Variants in RFX4 observed in about 807,000 individuals in gnomAD.
RFX4 encodes the protein regulatory factor X4.
A neutral mutation model predicts 95.0 loss-of-function variants in RFX4; 10 were observed. That is an observed-to-expected ratio of 0.11 (90% CI 0.06 to 0.18). The LOEUF (loss-of-function observed/expected upper bound fraction) is 0.18, where lower values mean the gene tolerates loss of function less well. Ranked by LOEUF, RFX4 falls within the 10% of genes least tolerant of loss-of-function variation. RFX4 has a pLI of 1.00. For missense variants in RFX4, 640 were observed against 922.0 expected (o/e 0.69, Z 3.96); for synonymous variants, 321 against 340.7 (o/e 0.94, Z 0.64).
At chr12:106,665,219 A>G (rs1194204551) in intron 4 of RFX4, among the ~76,000 whole-genome samples, 2 of 151,872 alleles carry the variant, frequency 1.3e-5, no homozygotes, top group African/African-American at 4.8e-5. Context: ...GGAGATTGAT[A>G]CCTTTATAAT....
At chr12:106,673,998 C>T (rs2041342459) in intron 4 of RFX4, among the ~76,000 whole-genome samples, 1 of 152,198 alleles carries the variant, frequency 6.6e-6, no homozygotes, top group Admixed American at 6.5e-5. Flanking sequence ...CCTTAAAGCC[C>T]TCTGAAGTCT....
chr12:106,714,601 T>G (rs1270059675), intron 10 of RFX4, among the ~76,000 whole-genome samples: 1 of 152,198 alleles, frequency 6.6e-6, no homozygotes, highest in East Asian at 1.9e-4. Flanking sequence ...AAGGAAATGA[T>G]CCTAGATACA....
rs904749441 is a variant in RFX4 at position 106,583,246 on chromosome 12, C to G, written c.-75C>G. 67 of 1,392,070 alleles carry G rather than the reference C, an allele frequency of 4.8e-5. No homozygotes were observed. The East Asian group carries it at 1.8e-3, about 37-fold the overall frequency. 86.2% of individuals were successfully genotyped at this position (1,392,070 alleles called of 1,614,324 possible). ...TCTCCCTCCCTCCCTCCCTTCCTCC[C>G]TGGGCATCTCTAGCACAGGGGATCC... On this transcript the variant is annotated 5_prime_UTR_variant, in exon 1 of 18. Transcript: ENST00000392842.
chr12:106,646,157 C>T (rs2040739147), intron 3 of RFX4, among the ~76,000 whole-genome samples: 1 of 152,086 alleles, frequency 6.6e-6, no homozygotes, highest in African/African-American at 2.4e-5. Context: ...GAAACACTCC[C>T]ACACAGGTGT....
intron 3 of RFX4, among the ~76,000 whole-genome samples, chr12:106,643,548 TTCTC>T (rs1447939170): frequency 6.6e-6 from 1 of 152,204 alleles, no homozygotes; most frequent in Non-Finnish European, 1.5e-5. Context: ...TATAAAAACT[TTCTC>T]TCTCAAAAGA....
At chr12:106,632,903 T>C (rs1345699038) in intron 2 of RFX4, among the ~76,000 whole-genome samples, 2 of 152,224 alleles carry the variant, frequency 1.3e-5, no homozygotes, top group African/African-American at 4.8e-5. Flanking sequence ...GTATCTGGCT[T>C]GGACTTACAT....
chr12:106,605,844 G>T (rs921699489), intron 1 of RFX4, among the ~76,000 whole-genome samples: 1 of 152,198 alleles, frequency 6.6e-6, no homozygotes, highest in Non-Finnish European at 1.5e-5. Flanking sequence ...TTGGCTACAG[G>T]CATAGACTGT....
At chr12:106,703,010 T>A (rs977644931) in intron 8 of RFX4, among the ~76,000 whole-genome samples, 3 of 152,220 alleles carry the variant, frequency 2.0e-5, no homozygotes. Flanking sequence ...TTTGCATCTG[T>A]CATTCCAAGA....
At chr12:106,598,808 G>A (rs995917235) in intron 1 of RFX4, among the ~76,000 whole-genome samples, 6 of 152,144 alleles carry the variant, frequency 3.9e-5, no homozygotes, top group African/African-American at 1.2e-4. Context: ...CGTGCAGAGC[G>A]AGTAGCCTTG....
rs558220902 is a variant in RFX4 at position 106,730,924 on chromosome 12, C to T, written c.1352-1206C>T. Reference sequence around the variant, plus strand: ...CTGAGGCAGGAAAATTGCTTGAACTCGGGAGGCAGAGGCTGCAGTGAGTCA... The same window carrying T: ...CTGAGGCAGGAAAATTGCTTGAACTTGGGAGGCAGAGGCTGCAGTGAGTCA... On this transcript the variant is annotated intron_variant, in intron 13 of 17. Transcript: ENST00000392842. 1.6e-4 allele frequency among the ~76,000 whole-genome samples: 24 copies of T among 152,126 alleles called. No individual in the cohort carries two copies. In the South Asian group the frequency reaches 3.9e-3, roughly 25 times the overall value.
intron 15 of RFX4, among the ~76,000 whole-genome samples, chr12:106,746,370 A>AT (rs2042895755): frequency 6.6e-6 from 1 of 151,640 alleles, no homozygotes; most frequent in African/African-American, 2.4e-5. Context: ...AAAAAAAAAA[A>AT]AAAAATTAAA....
chr12:106,630,476 C>A (rs568912428), intron 2 of RFX4, among the ~76,000 whole-genome samples: 1 of 152,304 alleles, frequency 6.6e-6, no homozygotes, highest in East Asian at 1.9e-4. Flanking sequence ...GAAGGGTTTG[C>A]TGCCAGAGGC....
intron 3 of RFX4, among the ~76,000 whole-genome samples, chr12:106,645,168 C>T (rs2040719846): frequency 6.6e-6 from 1 of 152,200 alleles, no homozygotes; most frequent in Admixed American, 6.5e-5. Context: ...TGTCAAATGC[C>T]TTCTGCCAAA....
chr12:106,703,645 A>T (rs1592959411), intron 8 of RFX4, among the ~76,000 whole-genome samples: 1 of 152,202 alleles, frequency 6.6e-6, no homozygotes, highest in African/African-American at 2.4e-5. Context: ...TAGGTGTTAA[A>T]CACACACATA....
intron 1 of RFX4, among the ~76,000 whole-genome samples, chr12:106,596,722 A>ATAT (rs2039624737): frequency 6.6e-6 from 1 of 152,158 alleles, no homozygotes; most frequent in Non-Finnish European, 1.5e-5. Context: ...AACTTATAAG[A>ATAT]AAGTGTATTT....
rs58283896 is a variant in RFX4, at chr12:106,714,068, C to CAAAAAAAA, written c.994-1316_994-1309dup. On this transcript the variant is annotated intron_variant, in intron 10 of 17. Transcript: ENST00000392842. ...GGGCAACAAGAGTGAAACTCCATCT[C>CAAAAAAAA]AAAAAAAAAAAAAAAAAAAAAAAGC... Among the ~76,000 whole-genome samples, 16 of 30,520 alleles carry CAAAAAAAA rather than the reference C, an allele frequency of 5.2e-4. 2 individuals carry two copies. Among genetic ancestry groups the CAAAAAAAA allele is most frequent in the African/African-American group, 2.3e-3 (15 of 6,488 alleles). 20.0% of individuals were successfully genotyped at this position (30,520 alleles called of 152,430 possible). A position where few individuals can be genotyped will look rare whatever the true frequency, so the allele number is the denominator to read the frequency against.
intron 4 of RFX4, among the ~76,000 whole-genome samples, chr12:106,660,329 G>C (rs573998509): frequency 4.3e-4 from 66 of 152,080 alleles, no homozygotes; most frequent in African/African-American, 1.5e-3. Flanking sequence ...GTGAGGGGCA[G>C]CCTGAGAACC....
chr12:106,732,095 C>T (rs758058385), intron 13 of RFX4, 35 bp from the exon 14 acceptor site: 22 of 1,607,726 alleles, frequency 1.4e-5, no homozygotes, highest in South Asian at 1.1e-4. Flanking sequence ...CGAGACAGCA[C>T]GACTTACTTT....
At chr12:106,643,985 G>A (rs1471595714) in intron 3 of RFX4, among the ~76,000 whole-genome samples, 1 of 152,156 alleles carries the variant, frequency 6.6e-6, no homozygotes, top group East Asian at 1.9e-4. Flanking sequence ...GCACACATAT[G>A]TATCTGTAGA....
Sources: gnomAD v4.1 joint callset for allele counts (sites outside exome capture counted in the v4.1 genomes callset) on GRCh38, gnomAD v4.1.1 for gene constraint, MANE v1.5 for transcripts, NCBI Gene and HGNC (gene_info 2026-07-23, HGNC 2026-07-21) for gene names.